The following ROCK1 variants were observed in gnomAD, a reference collection of about 807,000 sequenced individuals.
The protein encoded by ROCK1 is rho-associated protein kinase 1.
In ROCK1, 36 loss-of-function variants were observed where a neutral mutation model predicts 196.8. The observed-to-expected ratio is 0.18, with a 90% confidence interval of 0.14 to 0.24. ROCK1 has a LOEUF of 0.24. ROCK1 is among the 10% of genes least tolerant of loss of function. ROCK1 has a pLI of 1.00. For synonymous variants in ROCK1, 443 were observed against 515.9 expected (o/e 0.86, Z 1.91); for missense variants, 920 against 1,562.0 (o/e 0.59, Z 6.93).
At chr18:21,081,738 G>GA (rs1437488417) in intron 1 of ROCK1, among the ~76,000 whole-genome samples, 1 of 151,512 alleles carries the variant, frequency 6.6e-6, no homozygotes, top group African/African-American at 2.4e-5. Context: ...CTGCACACCA[G>GA]AAAAAAAGGG....
In ROCK1 at chr18:20,960,559, C is replaced by CA. The variant is rs3838904; in HGVS notation, c.3353-354dup. ...TTAACATTCATATAAAAATAATCAG[C>CA]AAAAAAAAAGAAAGAAAAAAATAAT... On this transcript the variant is annotated intron_variant, in intron 27 of 32. Transcript: ENST00000399799. 1,226 of 162,676 alleles carry CA rather than the reference C, an allele frequency of 7.5e-3. 17 individuals are homozygous for CA. The highest frequency in any genetic ancestry group is 0.026 in the African/African-American group (1,072 of 41,016). 10.1% of individuals were successfully genotyped at this position (162,676 alleles called of 1,614,324 possible).
At chr18:21,080,276 G>T (rs2036472143) in intron 1 of ROCK1, among the ~76,000 whole-genome samples, 1 of 152,064 alleles carries the variant, frequency 6.6e-6, no homozygotes, top group African/African-American at 2.4e-5. Context: ...CGGCTGGGAG[G>T]AATGAAATAA....
chr18:21,020,890 T>G (rs1269276546), intron 11 of ROCK1, among the ~76,000 whole-genome samples: 1 of 152,072 alleles, frequency 6.6e-6, no homozygotes, highest in Non-Finnish European at 1.5e-5. Context: ...CAAACTGGAG[T>G]TGGGGACTTT....
chr18:21,037,167 C>T (rs1399166095), intron 9 of ROCK1, among the ~76,000 whole-genome samples: 2 of 152,190 alleles, frequency 1.3e-5, no homozygotes, highest in East Asian at 3.9e-4. Flanking sequence ...CATGTTACTC[C>T]TTCAATTTTA....
At chr18:21,047,614 A>G (rs527426650) in intron 4 of ROCK1, among the ~76,000 whole-genome samples, 1 of 152,288 alleles carries the variant, frequency 6.6e-6, no homozygotes, top group Admixed American at 6.5e-5. Flanking sequence ...TAACACAGTG[A>G]AACCCGTCTC....
intron 9 of ROCK1, among the ~76,000 whole-genome samples, chr18:21,037,984 T>C (rs1401422850): frequency 1.3e-5 from 2 of 152,316 alleles, no homozygotes; most frequent in East Asian, 3.8e-4. Flanking sequence ...TGTGTGGTTA[T>C]TCTATAATTA....
intron 22 of ROCK1, among the ~76,000 whole-genome samples, chr18:20,977,903 T>G (rs1292263581): frequency 6.6e-6 from 1 of 152,152 alleles, no homozygotes; most frequent in Non-Finnish European, 1.5e-5. Context: ...AACCAGGAAA[T>G]GCAGCTTTGT....
chr18:21,079,764 G>C (rs2036467182), intron 1 of ROCK1, among the ~76,000 whole-genome samples: 1 of 152,170 alleles, frequency 6.6e-6, no homozygotes, highest in Non-Finnish European at 1.5e-5. Flanking sequence ...TAAAGGTCTG[G>C]GTTGTCTCGC....
intron 4 of ROCK1, among the ~76,000 whole-genome samples, chr18:21,048,358 G>A (rs1284147010): frequency 6.6e-6 from 1 of 152,070 alleles, no homozygotes; most frequent in Non-Finnish European, 1.5e-5. Flanking sequence ...CACAAAATAA[G>A]AGACAGATAA....
intron 9 of ROCK1, among the ~76,000 whole-genome samples, chr18:21,032,521 T>C (rs1476499462): frequency 6.6e-6 from 1 of 150,832 alleles, no homozygotes; most frequent in African/African-American, 2.4e-5. Flanking sequence ...TTTTTTTTTT[T>C]TTTGAGACAG....
intron 22 of ROCK1, among the ~76,000 whole-genome samples, chr18:20,975,211 G>A (rs61570035): frequency 0.01 from 1,526 of 152,326 alleles, 31 homozygotes; most frequent in African/African-American, 0.034. Flanking sequence ...TGGGCACCAC[G>A]GTAGTGGGGT....
chr18:21,056,451 T>C (rs1488789348), intron 2 of ROCK1, among the ~76,000 whole-genome samples: 5 of 152,152 alleles, frequency 3.3e-5, no homozygotes, highest in Admixed American at 2.0e-4. Context: ...CCACATCCTA[T>C]CTTTCAGGAA....
At chr18:21,034,618 C>T (rs1261833141) in intron 9 of ROCK1, among the ~76,000 whole-genome samples, 1 of 152,086 alleles carries the variant, frequency 6.6e-6, no homozygotes, top group Non-Finnish European at 1.5e-5. Flanking sequence ...AAATTGGACC[C>T]TTACTATACA....
rs573600148 is a variant in ROCK1 at position 21,031,199 on chromosome 18, G to A, written c.1052-2264C>T. On this transcript the variant is annotated intron_variant, in intron 9 of 32. Transcript: ENST00000399799. ...GTTACAACACTGTAATATCCAAAAT[G>A]TCCCTCTTAGAAGGATACAGCTGCT... Among the ~76,000 whole-genome samples the A allele has an allele frequency of 5.9e-5, 9 of 152,262 alleles. 1 individual carries two copies. In the South Asian group the frequency reaches 1.9e-3, roughly 32 times the overall value.
At chr18:21,102,601 G>A (rs1837611626) in intron 1 of ROCK1, among the ~76,000 whole-genome samples, 1 of 152,190 alleles carries the variant, frequency 6.6e-6, no homozygotes, top group African/African-American at 2.4e-5. Context: ...TGAGGGCTGG[G>A]TGCTGTGGCT....
rs1337335701 is a variant in ROCK1 at position 20,947,684 on chromosome 18, A to G, written c.*3700T>C. Reference sequence around the variant, plus strand: ...TGACTATTTATTAACCTAATGATCAACTTTAAAAATCATTTGTTTATTTAA... The same window carrying G: ...TGACTATTTATTAACCTAATGATCAGCTTTAAAAATCATTTGTTTATTTAA... On this transcript the variant is annotated 3_prime_UTR_variant, in exon 33 of 33. Transcript: ENST00000399799. 1 of 151,794 alleles carries G rather than the reference A, an allele frequency of 6.6e-6. No individual in the cohort carries two copies. The highest frequency in any genetic ancestry group is 2.4e-5 in the African/African-American group (1 of 41,386). The allele number at this position is 151,794 out of a possible 1,614,324, so 9.4% of individuals were successfully genotyped here. A position where few individuals can be genotyped will look rare whatever the true frequency, so the allele number is the denominator to read the frequency against.
chr18:20,965,193 C>T (rs1247694868), intron 27 of ROCK1, among the ~76,000 whole-genome samples: 1 of 152,044 alleles, frequency 6.6e-6, no homozygotes, highest in Non-Finnish European at 1.5e-5. Context: ...AGTTCAAAAC[C>T]AGCCTGGGCA....
chr18:21,038,829 C>T (rs1205679033), intron 9 of ROCK1, among the ~76,000 whole-genome samples: 2 of 152,146 alleles, frequency 1.3e-5, no homozygotes, highest in African/African-American at 4.8e-5. Context: ...TGATGAGAAC[C>T]TTTGGTGTCA....
intron 27 of ROCK1, among the ~76,000 whole-genome samples, chr18:20,965,887 G>A (rs1266185930): frequency 6.6e-6 from 1 of 152,132 alleles, no homozygotes; most frequent in African/African-American, 2.4e-5. Flanking sequence ...CATACAGAGA[G>A]GAGCTGAATT....
Sources: gnomAD v4.1 joint callset for allele counts (sites outside exome capture counted in the v4.1 genomes callset) on GRCh38, gnomAD v4.1.1 for gene constraint, MANE v1.5 for transcripts, NCBI Gene and HGNC (gene_info 2026-07-23, HGNC 2026-07-21) for gene names.